Variants in ZBTB8A observed in about 807,000 individuals in gnomAD.
ZBTB8A encodes the protein zinc finger and BTB domain-containing protein 8A.
A neutral mutation model predicts 37.8 loss-of-function variants in ZBTB8A; 19 were observed. That is an observed-to-expected ratio of 0.50 (90% CI 0.35 to 0.74). ZBTB8A has a LOEUF of 0.74. ZBTB8A is among the 30% of genes least tolerant of loss of function. The probability of loss-of-function intolerance (pLI) is 0.01; values close to 1 mark genes in which losing one functional copy is unlikely to be tolerated. For synonymous variants in ZBTB8A, 181 were observed against 185.2 expected (o/e 0.98, Z 0.19); for missense variants, 394 against 537.8 (o/e 0.73, Z 2.65).
intron 2 of ZBTB8A, among the ~76,000 whole-genome samples, chr1:32,554,384 G>A (rs1356929943): frequency 6.6e-6 from 1 of 151,512 alleles, no homozygotes; most frequent in African/African-American, 2.4e-5. Flanking sequence ...TTAAGGAGGT[G>A]TAGTGTATCC....
At chr1:32,544,977 C>T (rs185540735) in intron 1 of ZBTB8A, among the ~76,000 whole-genome samples, 1 of 152,220 alleles carries the variant, frequency 6.6e-6, no homozygotes, top group Admixed American at 6.6e-5. Flanking sequence ...GTATCAGTTT[C>T]TGTGTAGACG....
chr1:32,574,182 A>G (rs746624853), intron 2 of ZBTB8A, among the ~76,000 whole-genome samples: 1 of 152,120 alleles, frequency 6.6e-6, no homozygotes, highest in Non-Finnish European at 1.5e-5. Context: ...GTATTCTATA[A>G]ATGTCTATTT....
At chr1:32,563,193 C>T (rs1202632288) in intron 2 of ZBTB8A, among the ~76,000 whole-genome samples, 1 of 152,150 alleles carries the variant, frequency 6.6e-6, no homozygotes, top group East Asian at 1.9e-4. Flanking sequence ...CTGCCAGAGG[C>T]TCCTGATAGA....
intron 2 of ZBTB8A, among the ~76,000 whole-genome samples, chr1:32,583,933 A>G (rs1644426355): frequency 6.6e-6 from 1 of 152,112 alleles, no homozygotes; most frequent in Non-Finnish European, 1.5e-5. Context: ...TAGTAAAGAC[A>G]GGGTTTTACC....
At chr1:32,596,959 C>G (rs1041734972) in intron 4 of ZBTB8A, among the ~76,000 whole-genome samples, 9 of 152,190 alleles carry the variant, frequency 5.9e-5, no homozygotes, top group Non-Finnish European at 1.0e-4. Context: ...GGATTTCAGT[C>G]TAGTTGCGGC....
chr1:32,539,979 G>C (rs1644039069), intron 1 of ZBTB8A, among the ~76,000 whole-genome samples: 2 of 151,504 alleles, frequency 1.3e-5, no homozygotes, highest in Non-Finnish European at 2.9e-5. Context: ...GGGGAGGGCA[G>C]GGCAGGGCCG....
At chr1:32,576,630 T>C (rs551463448) in intron 2 of ZBTB8A, among the ~76,000 whole-genome samples, 2 of 152,292 alleles carry the variant, frequency 1.3e-5, no homozygotes, top group Admixed American at 1.3e-4. Context: ...GGTCTCACTA[T>C]GTTGGCCAGG....
intron 1 of ZBTB8A, among the ~76,000 whole-genome samples, chr1:32,544,094 A>G (rs1216098025): frequency 1.3e-5 from 2 of 152,156 alleles, no homozygotes; most frequent in Non-Finnish European, 2.9e-5. Context: ...TCAGTCTCCC[A>G]AGTAGCTGGG....
intron 2 of ZBTB8A, among the ~76,000 whole-genome samples, chr1:32,556,513 T>C (rs561043724): frequency 6.6e-6 from 1 of 152,254 alleles, no homozygotes; most frequent in Admixed American, 6.5e-5. Context: ...ACCACAGGCA[T>C]GCACCATCAT....
rs542119980 is a variant in ZBTB8A at position 32,563,855 on chromosome 1, C to T, written c.-2+10315C>T. Among the ~76,000 whole-genome samples, 38 of 152,232 alleles carry T rather than the reference C, an allele frequency of 2.5e-4. 1 individual carries two copies. The highest frequency in any genetic ancestry group is 8.9e-4 in the African/African-American group (37 of 41,540). On this transcript the variant is annotated intron_variant, in intron 2 of 4. Transcript: ENST00000373510. ...TCTCAAGCCAGAGGGGTTGAGGAAG[C>T]CCCATCATAGAACCTAGTCATCTCT...
At chr1:32,541,406 C>T (rs921832083) in intron 1 of ZBTB8A, among the ~76,000 whole-genome samples, 19 of 152,174 alleles carry the variant, frequency 1.2e-4, no homozygotes, top group African/African-American at 4.3e-4. Flanking sequence ...AATGCTCTTC[C>T]CCCAGACACC....
Position 32,542,847 on chromosome 1 carries a change from TC to T in ZBTB8A, c.-84+3278del, listed in dbSNP as rs375181320. 1.1e-4 allele frequency among the ~76,000 whole-genome samples: 17 copies of T among 152,338 alleles called. No individual in the cohort carries two copies. The East Asian group carries it at 2.1e-3, about 19-fold the overall frequency. On this transcript the variant is annotated intron_variant, in intron 1 of 4. Coordinates refer to ENST00000373510, the MANE Select transcript of ZBTB8A (RefSeq NM_001040441.3). ...AATGTTTCCATTTGGATTTTGGATGTCCCATATAAATTGATCTAACTTGCTG... is the reference window on the plus strand; with the variant it reads ...AATGTTTCCATTTGGATTTTGGATGTCCATATAAATTGATCTAACTTGCTG...
At chr1:32,577,586 CTTTTTTTTT>C (rs775868211) in intron 2 of ZBTB8A, among the ~76,000 whole-genome samples, 35 of 86,776 alleles carry the variant, frequency 4.0e-4, no homozygotes, top group African/African-American at 1.5e-3. Flanking sequence ...ATATTGTATT[CTTTTTTTTT>C]TTTTTTTTTT....
At chr1:32,560,581 A>G (rs1644236125) in intron 2 of ZBTB8A, among the ~76,000 whole-genome samples, 1 of 140,302 alleles carries the variant, frequency 7.1e-6, no homozygotes, top group Non-Finnish European at 1.5e-5. Flanking sequence ...ACCTACAACT[A>G]CTTCCGTTCT....
intron 2 of ZBTB8A, among the ~76,000 whole-genome samples, chr1:32,569,970 C>T (rs1644312703): frequency 6.6e-6 from 1 of 152,116 alleles, no homozygotes; most frequent in Non-Finnish European, 1.5e-5. Flanking sequence ...ACCCCAAGGT[C>T]CCAAAGACTT....
Position 32,581,303 on chromosome 1 carries a change from A to G in ZBTB8A, c.-1-11628A>G, listed in dbSNP as rs372822401. 1.2e-4 allele frequency among the ~76,000 whole-genome samples: 14 copies of G among 116,910 alleles called. 1 individual carries two copies. The South Asian group carries it at 2.3e-3, about 19-fold the overall frequency. The allele number at this position is 116,910 out of a possible 152,430, so 76.7% of individuals were successfully genotyped here. On this transcript the variant is annotated intron_variant, in intron 2 of 4. Transcript: ENST00000373510. The stretch of plus-strand genomic sequence containing the variant: ...ATATTAATATATATTTATATATTAT[A>G]TAATAATATATAATATATAAGTATA...
intron 2 of ZBTB8A, among the ~76,000 whole-genome samples, chr1:32,573,070 CTTT>C (rs765833626): frequency 1.7e-5 from 2 of 115,736 alleles, no homozygotes; most frequent in African/African-American, 3.3e-5. Flanking sequence ...TCTCTAGATT[CTTT>C]TTTTTTTTTT....
chr1:32,569,636 C>T (rs371556489), intron 2 of ZBTB8A, among the ~76,000 whole-genome samples: 13 of 152,148 alleles, frequency 8.5e-5, no homozygotes, highest in African/African-American at 3.1e-4. Context: ...TCGTGATCCA[C>T]CCGCCTCAGC....
Position 32,604,221 on chromosome 1 carries a change from A to C in ZBTB8A, c.*3802A>C, listed in dbSNP as rs1477925693. The C allele has an allele frequency of 6.6e-6, 1 of 152,212 alleles. No individual in the cohort carries two copies. The highest frequency in any genetic ancestry group is 1.9e-4 in the East Asian group (1 of 5,200). 9.4% of individuals were successfully genotyped at this position (152,212 alleles called of 1,614,324 possible). ...AGAAAGCACCACTGCAGTCATGCCT[A>C]GTGTCTGGGAGAAACAAAATGGACT... is the stretch of plus-strand genomic sequence containing the variant. On this transcript the variant is annotated 3_prime_UTR_variant, in exon 5 of 5. Coordinates refer to ENST00000373510, the MANE Select transcript of ZBTB8A (RefSeq NM_001040441.3).
Sources: gnomAD v4.1 joint callset for allele counts (sites outside exome capture counted in the v4.1 genomes callset) on GRCh38, gnomAD v4.1.1 for gene constraint, MANE v1.5 for transcripts, NCBI Gene and HGNC (gene_info 2026-07-23, HGNC 2026-07-21) for gene names.